The following APP variants were observed in gnomAD, a reference collection of about 807,000 sequenced individuals.
APP encodes amyloid-beta precursor protein.
In APP, 31 loss-of-function variants were observed where a neutral mutation model predicts 101.4. That is an observed-to-expected ratio of 0.31 (90% CI 0.23 to 0.41). APP has a LOEUF of 0.41. Ranked by LOEUF, APP falls within the 10% of genes least tolerant of loss-of-function variation. The probability of loss-of-function intolerance (pLI) is 1.00; values close to 1 mark genes in which losing one functional copy is unlikely to be tolerated. For synonymous variants in APP, 366 were observed against 364.4 expected, an observed-to-expected ratio of 1.00 and a Z score of -0.05; for missense variants, 839 against 1,003.7, an observed-to-expected ratio of 0.84 and a Z score of 2.22.
chr21:25,910,957 T>C (rs1429318811), intron 14 of APP, among the ~76,000 whole-genome samples: 2 of 152,256 alleles, frequency 1.3e-5, no homozygotes, highest in African/African-American at 2.4e-5. Context: ...GTTGGTAAAC[T>C]GTAATTTTTC....
chr21:25,941,131 C>T (rs1010617554), intron 13 of APP, among the ~76,000 whole-genome samples: 23 of 152,174 alleles, frequency 1.5e-4, no homozygotes, highest in African/African-American at 5.6e-4. Context: ...CTGACATGTA[C>T]ACATCAAAGT....
At chr21:26,000,367 G>A (rs941772599) in intron 6 of APP, among the ~76,000 whole-genome samples, 185 bp from the exon 7 acceptor site, 1 of 152,214 alleles carries the variant, frequency 6.6e-6, no homozygotes, top group African/African-American at 2.4e-5. Context: ...ACACCTCTCA[G>A]AGCATGCACT....
chr21:26,032,775 CTTGGGGCTTA>C (rs1447555576), intron 5 of APP, among the ~76,000 whole-genome samples: 1 of 137,516 alleles, frequency 7.3e-6, no homozygotes, highest in East Asian at 2.1e-4. Flanking sequence ...TAATGTTTTT[CTTGGGGCTTA>C]TTATTTTAGA....
intron 3 of APP, among the ~76,000 whole-genome samples, chr21:26,088,128 C>T (rs2146104690): frequency 6.6e-6 from 1 of 152,240 alleles, no homozygotes; most frequent in East Asian, 1.9e-4. Flanking sequence ...TGAGCCACCA[C>T]ACCCAGTGGA....
intron 13 of APP, among the ~76,000 whole-genome samples, chr21:25,951,231 G>A (rs1186528483): frequency 6.6e-6 from 1 of 152,154 alleles, no homozygotes; most frequent in African/African-American, 2.4e-5. Context: ...CCCCTTCACC[G>A]ATAGCATTCC....
At chr21:26,015,766 C>T (rs1049598565) in intron 6 of APP, among the ~76,000 whole-genome samples, 16 of 146,580 alleles carry the variant, frequency 1.1e-4, no homozygotes, top group Non-Finnish European at 1.9e-4. Context: ...TCACAGTCAC[C>T]GTCTTATAGT....
At chr21:26,089,368 G>A (rs1044656411) in intron 3 of APP, 3 of 152,058 alleles carry the variant, frequency 2.0e-5, no homozygotes, top group African/African-American at 7.3e-5. Flanking sequence ...TAAATTTGAG[G>A]TTTGTGACAA....
At chr21:25,904,167 CT>C in intron 15 of APP, among the ~76,000 whole-genome samples, 1 of 152,318 alleles carries the variant, frequency 6.6e-6, no homozygotes, top group African/African-American at 2.4e-5. Flanking sequence ...TAAAATCTCC[CT>C]GGAATACACA....
At chr21:26,147,841 T>C (rs2146330953) in intron 1 of APP, among the ~76,000 whole-genome samples, 2 of 151,892 alleles carry the variant, frequency 1.3e-5, no homozygotes, top group South Asian at 2.1e-4. Context: ...TTGGAAGGAC[T>C]GAAAAATCCA....
chr21:26,012,177 A>C (rs534545451), intron 6 of APP, among the ~76,000 whole-genome samples: 4 of 151,566 alleles, frequency 2.6e-5, no homozygotes, highest in Admixed American at 2.0e-4. Flanking sequence ...CCAAAACAAC[A>C]ATTTTTTTTT....
At chr21:26,118,308 G>T (rs988694520) in intron 1 of APP, among the ~76,000 whole-genome samples, 3 of 152,216 alleles carry the variant, frequency 2.0e-5, no homozygotes, top group Non-Finnish European at 4.4e-5. Context: ...ATATAAAAGT[G>T]GAATTACAAA....
At chr21:25,999,911 A>T (rs1481146174) in intron 7 of APP, 104 bp downstream of exon 7, 25 of 1,331,574 alleles carry the variant, frequency 1.9e-5, no homozygotes, top group Non-Finnish European at 2.6e-5. Context: ...TAGTGGTAGC[A>T]ACAGGCCCAT....
At chr21:25,968,744 A>T (rs1209429781) in intron 11 of APP, among the ~76,000 whole-genome samples, 1 of 152,212 alleles carries the variant, frequency 6.6e-6, no homozygotes, top group Non-Finnish European at 1.5e-5. Context: ...AAAGAAACTG[A>T]AAACAATCCA....
chr21:26,000,916 G>A (rs541285326), intron 6 of APP, among the ~76,000 whole-genome samples: 7 of 150,874 alleles, frequency 4.6e-5, no homozygotes, highest in Non-Finnish European at 1.0e-4. Flanking sequence ...CTATAACAAC[G>A]TATTATTAAT....
At chr21:25,997,463 T>C (rs201424670) in intron 7 of APP, 47 bp from the exon 8 acceptor site, 2 of 1,497,078 alleles carry the variant, frequency 1.3e-6, no homozygotes, top group South Asian at 2.3e-5. Context: ...AAGAGAAACA[T>C]GGGAATGATG....
chr21:25,943,397 C>T (rs1179852277), intron 13 of APP, among the ~76,000 whole-genome samples: 2 of 151,552 alleles, frequency 1.3e-5, no homozygotes, highest in Non-Finnish European at 2.9e-5. Context: ...GGTGATCTGC[C>T]CACCTCGGCC....
At chr21:25,968,558 A>G (rs1037603460) in intron 11 of APP, among the ~76,000 whole-genome samples, 3 of 152,166 alleles carry the variant, frequency 2.0e-5, no homozygotes, top group African/African-American at 7.2e-5. Context: ...GTATTTGCCT[A>G]TAGGTACATA....
At chr21:26,167,127 G>A (rs777121107) in intron 1 of APP, among the ~76,000 whole-genome samples, 45 of 152,164 alleles carry the variant, frequency 3.0e-4, no homozygotes, top group Non-Finnish European at 3.7e-4. Context: ...TTAAATACAG[G>A]AAGTTTTCTC....
At chr21:25,995,411 T>C (rs1041828935) in intron 8 of APP, among the ~76,000 whole-genome samples, 3 of 149,864 alleles carry the variant, frequency 2.0e-5, no homozygotes, top group South Asian at 2.1e-4. Flanking sequence ...GGCAAAACAA[T>C]GTCAGAACCA....
Sources: allele counts gnomAD v4.1 joint callset (sites outside exome capture counted in the v4.1 genomes callset), GRCh38; gene constraint gnomAD v4.1.1; transcripts MANE v1.5; gene names NCBI Gene and HGNC (gene_info 2026-07-23, HGNC 2026-07-21).